ROBO2: variants seen among roughly 807,000 people sequenced by gnomAD.
The protein encoded by ROBO2 is roundabout homolog 2.
A neutral mutation model predicts 160.8 loss-of-function variants in ROBO2; 53 were observed. That is an observed-to-expected ratio of 0.33 (90% CI 0.26 to 0.41). The LOEUF is 0.41. ROBO2 is among the 10% of genes least tolerant of loss of function. ROBO2 has a pLI of 1.00. For synonymous variants in ROBO2, 664 were observed against 611.7 expected (o/e 1.09, Z -1.26); for missense variants, 1,577 against 1,722.4 (o/e 0.92, Z 1.49).
intron 2 of ROBO2, among the ~76,000 whole-genome samples, chr3:76,655,508 A>T (rs1263170840): frequency 1.4e-5 from 2 of 144,138 alleles, no homozygotes; most frequent in Non-Finnish European, 3.0e-5. Context: ...TCAAGGTATT[A>T]GTTATCTTTG....
At position 76,418,119 on chromosome 3, in the gene ROBO2, AAAAC is replaced by A. The variant is rs577286503; in HGVS notation, c.109+480522_109+480525del. On this transcript the variant is annotated intron_variant, in intron 2 of 26. Transcript: ENST00000487694. The stretch of plus-strand genomic sequence containing the variant: ...CTTATAAATGCCTATATTAAAGAAA[AAAAC>A]AAACTTAAGCTCAAGCAGAAGCAGC... 2.9e-3 allele frequency among the ~76,000 whole-genome samples: 445 copies of A among 151,980 alleles called. 2 individuals are homozygous for A. Among genetic ancestry groups the A allele is most frequent in the South Asian group, 7.5e-3 (36 of 4,818 alleles).
chr3:76,715,746 A>G (rs558445718), intron 2 of ROBO2, among the ~76,000 whole-genome samples: 7 of 152,108 alleles, frequency 4.6e-5, no homozygotes, highest in African/African-American at 1.2e-4. Flanking sequence ...TTTCAATCCA[A>G]TTTTCTTTCT....
intron 2 of ROBO2, among the ~76,000 whole-genome samples, chr3:77,250,757 C>T (rs1265637843): frequency 6.6e-6 from 1 of 152,058 alleles, no homozygotes; most frequent in African/African-American, 2.4e-5. Context: ...GGTGGGAGGG[C>T]AAACAAGCTC....
chr3:77,182,214 T>G (rs1044553308), intron 2 of ROBO2, among the ~76,000 whole-genome samples: 8 of 152,132 alleles, frequency 5.3e-5, no homozygotes, highest in African/African-American at 1.9e-4. Context: ...ACTGAATATT[T>G]GGGCAATTCA....
At chr3:76,432,345 T>C (rs1485395572) in intron 2 of ROBO2, among the ~76,000 whole-genome samples, 1 of 152,166 alleles carries the variant, frequency 6.6e-6, no homozygotes, top group South Asian at 2.1e-4. Flanking sequence ...TTTTGCCACA[T>C]AGAAAATTAC....
At chr3:76,082,368 TG>T (rs2068864801) in intron 2 of ROBO2, among the ~76,000 whole-genome samples, 1 of 152,102 alleles carries the variant, frequency 6.6e-6, no homozygotes. Context: ...TAAAAAGTTA[TG>T]CTATATGTAG....
chr3:76,657,010 A>G (rs2091561346), intron 2 of ROBO2, among the ~76,000 whole-genome samples: 1 of 152,116 alleles, frequency 6.6e-6, no homozygotes, highest in South Asian at 2.1e-4. Context: ...CAAGTCTCTA[A>G]GCACCTTGCT....
At chr3:76,149,521 AAC>A (rs1451555879) in intron 2 of ROBO2, among the ~76,000 whole-genome samples, 3 of 150,078 alleles carry the variant, frequency 2.0e-5, no homozygotes, top group African/African-American at 7.3e-5. Flanking sequence ...ATCTGTCTAA[AAC>A]ACACATCTGT....
chr3:77,029,557 T>C (rs1276556656), intron 2 of ROBO2, among the ~76,000 whole-genome samples: 2 of 152,198 alleles, frequency 1.3e-5, no homozygotes, highest in Non-Finnish European at 2.9e-5. Context: ...TGATAACCTT[T>C]ACTACATTTT....
At chr3:77,597,938 T>G (rs2094344795) in intron 19 of ROBO2, among the ~76,000 whole-genome samples, 1 of 152,130 alleles carries the variant, frequency 6.6e-6, no homozygotes, top group Non-Finnish European at 1.5e-5. Context: ...TTGATGGATT[T>G]TTAAGAGGAG....
chr3:76,238,167 A>G (rs1705063227), intron 2 of ROBO2, among the ~76,000 whole-genome samples: 1 of 152,170 alleles, frequency 6.6e-6, no homozygotes, highest in African/African-American at 2.4e-5. Context: ...AAAACAATGG[A>G]ATCTGACTGT....
At chr3:76,082,893 A>T (rs1348393452) in intron 2 of ROBO2, among the ~76,000 whole-genome samples, 3 of 152,028 alleles carry the variant, frequency 2.0e-5, no homozygotes, top group Non-Finnish European at 4.4e-5. Flanking sequence ...ATGTGAGCTG[A>T]TGAAGACCCG....
intron 2 of ROBO2, among the ~76,000 whole-genome samples, chr3:76,095,745 G>A (rs979090853): frequency 5.9e-5 from 8 of 135,516 alleles, no homozygotes; most frequent in Admixed American, 2.3e-4. Context: ...CACATAGTAT[G>A]CTTGACACAC....
In ROBO2 at chr3:76,337,518, G is replaced by A. The variant is rs1056584016; in HGVS notation, c.109+399916G>A. Among the ~76,000 whole-genome samples, 8 of 152,020 alleles carry A rather than the reference G, an allele frequency of 5.3e-5. No individual in the cohort carries two copies. In the East Asian group the frequency reaches 1.5e-3, roughly 29 times the overall value. On this transcript the variant is annotated intron_variant, in intron 2 of 26. Transcript: ENST00000487694. The stretch of plus-strand genomic sequence containing the variant: ...GGTTACGGCTTGCTTGGCCATTACA[G>A]GATTGTATCTATTTTGTAAAATTTC...
chr3:76,715,478 C>T lies in ROBO2; in HGVS notation c.110-382536C>T, dbSNP rs112006221. On this transcript the variant is annotated intron_variant, in intron 2 of 26. Transcript: ENST00000487694. Reference sequence around the variant, plus strand: ...GTCTAGCTCAGTAGCAGAGACAGTACAGGACTTAACAGTTCTCAAAGCATT... The same window carrying T: ...GTCTAGCTCAGTAGCAGAGACAGTATAGGACTTAACAGTTCTCAAAGCATT... Among the ~76,000 whole-genome samples, 1,228 of 152,250 alleles carry T rather than the reference C, an allele frequency of 8.1e-3. 14 individuals are homozygous for T. Among genetic ancestry groups the T allele is most frequent in the African/African-American group, 0.027 (1,106 of 41,544 alleles).
At chr3:76,405,219 G>T (rs1202409484) in intron 2 of ROBO2, among the ~76,000 whole-genome samples, 1 of 151,566 alleles carries the variant, frequency 6.6e-6, no homozygotes, top group Non-Finnish European at 1.5e-5. Flanking sequence ...CCAGCCAGAA[G>T]CTTCTTAAGG....
intron 2 of ROBO2, among the ~76,000 whole-genome samples, chr3:77,015,560 G>A (rs774881236): frequency 6.6e-6 from 1 of 152,176 alleles, no homozygotes; most frequent in Non-Finnish European, 1.5e-5. Flanking sequence ...TGTTGGCGTT[G>A]GGTAGCATCA....
At chr3:76,540,452 T>C (rs2082752250) in intron 2 of ROBO2, among the ~76,000 whole-genome samples, 1 of 152,220 alleles carries the variant, frequency 6.6e-6, no homozygotes, top group African/African-American at 2.4e-5. Context: ...CATTGAAAAA[T>C]ATTAAGCTGT....
chr3:77,481,069 T>A, intron 3 of ROBO2, 30 bp from the exon 4 acceptor site: 4 of 1,585,102 alleles, frequency 2.5e-6, no homozygotes, highest in Non-Finnish European at 3.5e-6. Context: ...TTTTCTTCCC[T>A]TCTCTTTTCT....
Sources: allele counts gnomAD v4.1 joint callset (sites outside exome capture counted in the v4.1 genomes callset), GRCh38; gene constraint gnomAD v4.1.1; transcripts MANE v1.5; gene names NCBI Gene and HGNC (gene_info 2026-07-23, HGNC 2026-07-21).